The following JMJD1C variants were observed in gnomAD, a reference collection of about 807,000 sequenced individuals.
The protein encoded by JMJD1C is jumonji domain-containing protein 1C.
JMJD1C carries 31 observed loss-of-function variants against 245.3 expected under a neutral mutation model. That is an observed-to-expected ratio of 0.13 (90% confidence interval 0.09 to 0.17). JMJD1C has a LOEUF of 0.17. Ranked by LOEUF, JMJD1C falls within the 10% of genes least tolerant of loss-of-function variation. The probability of loss-of-function intolerance (pLI) is 1.00; values close to 1 mark genes in which losing one functional copy is unlikely to be tolerated. For synonymous variants in JMJD1C, 1,057 were observed against 1,017.4 expected, an observed-to-expected ratio of 1.04 and a Z score of -0.74; for missense variants, 2,691 against 3,000.2, an observed-to-expected ratio of 0.90 and a Z score of 2.41.
At chr10:63,362,332 A>C (rs1945450928) in intron 2 of JMJD1C, among the ~76,000 whole-genome samples, 5 of 152,074 alleles carry the variant, frequency 3.3e-5, no homozygotes, top group Admixed American at 1.3e-4. Context: ...TTTATTCATT[A>C]TCTACTCAAC....
upstream of JMJD1C, chr10:63,466,155 G>A (rs1953265748): frequency 5.2e-6 from 1 of 190,908 alleles, no homozygotes; most frequent in Non-Finnish European, 1.0e-5. Context: ...CGGCGGCGGC[G>A]GCAGCGGGAG....
At chr10:63,286,408 G>A (rs1460042813) in intron 2 of JMJD1C, among the ~76,000 whole-genome samples, 3 of 152,190 alleles carry the variant, frequency 2.0e-5, no homozygotes, top group African/African-American at 4.8e-5. Context: ...CAGCCATTGC[G>A]ACCGTGAACA....
At chr10:63,384,525 T>C (rs1236608700) in intron 1 of JMJD1C, among the ~76,000 whole-genome samples, 2 of 152,216 alleles carry the variant, frequency 1.3e-5, no homozygotes, top group East Asian at 1.9e-4. Context: ...AGATGCACTG[T>C]CAATGAGAAG....
chr10:63,415,647 C>T (rs1160444231), intron 1 of JMJD1C, among the ~76,000 whole-genome samples: 4 of 152,126 alleles, frequency 2.6e-5, no homozygotes, highest in Non-Finnish European at 4.4e-5. Flanking sequence ...TCTGGAAGAA[C>T]TAATTCAGTA....
chr10:63,513,799 G>C (rs937412600), intron 1 of JMJD1C, among the ~76,000 whole-genome samples: 2 of 152,228 alleles, frequency 1.3e-5, no homozygotes, highest in African/African-American at 4.8e-5. Flanking sequence ...TGTAGTCCCA[G>C]CTTCTCCGGA....
At chr10:63,238,636 T>C (rs1851081080) in intron 3 of JMJD1C, among the ~76,000 whole-genome samples, 1 of 152,224 alleles carries the variant, frequency 6.6e-6, no homozygotes, top group Non-Finnish European at 1.5e-5. Flanking sequence ...TAGTTGTAAC[T>C]GTTTTTTAGT....
At chr10:63,182,117 C>A (rs1014360276) in intron 22 of JMJD1C, among the ~76,000 whole-genome samples, 3 of 152,176 alleles carry the variant, frequency 2.0e-5, no homozygotes, top group Non-Finnish European at 2.9e-5. Context: ...CAGCACCTAG[C>A]CATTAAGCTC....
chr10:63,178,015 A>G (rs1843016353), intron 22 of JMJD1C, among the ~76,000 whole-genome samples, 159 bp from the exon 23 acceptor site: 1 of 152,168 alleles, frequency 6.6e-6, no homozygotes, highest in Admixed American at 6.5e-5. Context: ...ATCTTGGCTC[A>G]CTGCAGCTTC....
In JMJD1C at chr10:63,455,650, C is replaced by T. The variant is rs187589856; in HGVS notation, c.168+9845G>A. Among the ~76,000 whole-genome samples the T allele has an allele frequency of 5.5e-4, 84 of 151,940 alleles. 1 individual carries two copies. The highest frequency in any genetic ancestry group is 1.7e-3 in the African/African-American group (70 of 41,480). On this transcript the variant is annotated intron_variant, in intron 1 of 25. Coordinates refer to ENST00000399262, the MANE Select transcript of JMJD1C (RefSeq NM_032776.3). ...TCTCTCTTTAAAAATGGCTTATTTC[C>T]TTCTCTCTGAAAAAAGAACTGTGTA...
chr10:63,299,297 T>G (rs1859808960), intron 2 of JMJD1C, among the ~76,000 whole-genome samples: 1 of 151,692 alleles, frequency 6.6e-6, no homozygotes, highest in Non-Finnish European at 1.5e-5. Flanking sequence ...TTCTCGCCCC[T>G]CAAGACTCCC....
Position 63,189,311 on chromosome 10 carries a change from T to C in JMJD1C, c.6427A>G (p.Ile2143Val), listed in dbSNP as rs200368807. ...PELKEEPEES[I>V]ISAVDENNKL... Reference sequence around the variant, plus strand: ...TTATTTTCATCCACTGCAGATATTATGCTTTCTTCAGGCTCTTCTTTAAGC... The same window carrying C: ...TTATTTTCATCCACTGCAGATATTACGCTTTCTTCAGGCTCTTCTTTAAGC... Residue 2143 changes from isoleucine (I) to valine (V), a missense_variant, in exon 18 of 26, where the codon ATA becomes GTA. Ile to Val is a conservative substitution (Grantham distance 29, BLOSUM62 3). Around this residue, in one of 9 missense-constraint regions of JMJD1C, gnomAD observed 275 missense variants for 285.5 expected, o/e 0.96. Transcript: ENST00000399262. 4.6e-4 allele frequency: 740 copies of C among 1,613,926 alleles called. 1 individual carries two copies. The highest frequency in any genetic ancestry group is 1.3e-3 in the Middle Eastern group (8 of 6,058).
chr10:63,396,615 G>T (rs1381007339), intron 1 of JMJD1C, among the ~76,000 whole-genome samples: 1 of 152,118 alleles, frequency 6.6e-6, no homozygotes, highest in Admixed American at 6.6e-5. Context: ...TTCCCTAAAT[G>T]AAACTGTGGT....
intron 1 of JMJD1C, among the ~76,000 whole-genome samples, chr10:63,409,286 T>C (rs1454156042): frequency 1.3e-5 from 2 of 152,152 alleles, no homozygotes; most frequent in Non-Finnish European, 2.9e-5. Flanking sequence ...GCAACCAAAA[T>C]GAGTGACTGA....
chr10:63,513,781 C>T (rs532723523), intron 1 of JMJD1C, among the ~76,000 whole-genome samples: 16 of 151,978 alleles, frequency 1.1e-4, no homozygotes, highest in South Asian at 2.1e-4. Flanking sequence ...GGCGTGTTGG[C>T]GGGAGCCTGT....
intron 13 of JMJD1C, 43 bp downstream of exon 13, chr10:63,197,362 TAAAGAA>T (rs752134202): frequency 6.7e-7 from 1 of 1,488,992 alleles, no homozygotes; most frequent in Non-Finnish European, 9.2e-7. Context: ...AGAGTGATCC[TAAAGAA>T]AAATTATAAA....
At chr10:63,437,617 C>T (rs1478333182) in intron 1 of JMJD1C, among the ~76,000 whole-genome samples, 1 of 152,166 alleles carries the variant, frequency 6.6e-6, no homozygotes, top group African/African-American at 2.4e-5. Flanking sequence ...ATCTTATCTT[C>T]CTCCTAAAGC....
At position 63,281,131 on chromosome 10, in the gene JMJD1C, CT is replaced by C. The variant is rs754461363; in HGVS notation, c.334-16368del. 6.5e-3 allele frequency among the ~76,000 whole-genome samples: 802 copies of C among 122,954 alleles called. 3 individuals are homozygous for C. The highest frequency in any genetic ancestry group is 0.017 in the African/African-American group (519 of 30,964). 80.7% of individuals were successfully genotyped at this position (122,954 alleles called of 152,430 possible). ...ACAGGCGTGAGCCACCACACCCGGC[CT>C]TTTTTTTTTTTTTTTTGAGATGGAG... is the stretch of plus-strand genomic sequence containing the variant. On this transcript the variant is annotated intron_variant, in intron 2 of 25. Transcript: ENST00000399262.
At chr10:63,193,732 T>A (rs1427763765) in intron 14 of JMJD1C, 3 of 240,566 alleles carry the variant, frequency 1.2e-5, no homozygotes, top group Non-Finnish European at 2.4e-5. Flanking sequence ...AGTGGCGCCA[T>A]CTGGGCTCAC....
At chr10:63,305,241 G>A (rs746514723) in intron 2 of JMJD1C, among the ~76,000 whole-genome samples, 4 of 151,760 alleles carry the variant, frequency 2.6e-5, no homozygotes, top group East Asian at 1.9e-4. Flanking sequence ...GGTGGCACGC[G>A]CCTCTAGTCC....
Sources: gnomAD v4.1 joint callset for allele counts (sites outside exome capture counted in the v4.1 genomes callset) on GRCh38, gnomAD v4.1.1 for gene constraint, gnomAD v4.1.1 regional missense constraint, MANE v1.5 for transcripts, NCBI Gene and HGNC (gene_info 2026-07-23, HGNC 2026-07-21) for gene names.